MARCHF6: variants seen among roughly 807,000 people sequenced by gnomAD.
MARCHF6 encodes the protein E3 ubiquitin-protein ligase MARCHF6.
Under a neutral mutation model 133.7 loss-of-function variants are expected in MARCHF6, and 31 were observed. The observed-to-expected ratio is 0.23, with a 90% CI of 0.17 to 0.31. MARCHF6 has a LOEUF of 0.31. Ranked by LOEUF, MARCHF6 falls within the 10% of genes least tolerant of loss-of-function variation. The probability of loss-of-function intolerance (pLI) is 1.00; values close to 1 mark genes in which losing one functional copy is unlikely to be tolerated. For synonymous variants in MARCHF6, 395 were observed against 402.5 expected (o/e 0.98, Z 0.22); for missense variants, 723 against 1,121.6 (o/e 0.64, Z 5.08).
Position 10,439,155 on chromosome 5 carries a change from A to C in MARCHF6, c.*5471A>C, listed in dbSNP as rs1740761555. On this transcript the variant is annotated 3_prime_UTR_variant, in exon 26 of 26. Coordinates refer to ENST00000274140, the MANE Select transcript of MARCHF6 (RefSeq NM_005885.4). The stretch of plus-strand genomic sequence containing the variant: ...CTGTGCATTGGTCTAATGGAACAGA[A>C]TAGAGTCCAGAAATAACCCAACATG... 6.6e-6 allele frequency: 1 copy of C among 152,250 alleles called. No homozygotes were observed. The highest frequency in any genetic ancestry group is 1.5e-5 in the Non-Finnish European group (1 of 68,052). 9.4% of individuals were successfully genotyped at this position (152,250 alleles called of 1,614,324 possible).
intron 10 of MARCHF6, among the ~76,000 whole-genome samples, chr5:10,400,371 TG>T (rs1343175161): frequency 6.6e-6 from 1 of 152,182 alleles, no homozygotes; most frequent in Non-Finnish European, 1.5e-5. Context: ...ACTATTCACA[TG>T]GGTGTGCTAA....
At chr5:10,404,034 T>TATTG in intron 15 of MARCHF6, among the ~76,000 whole-genome samples, 1 of 7,242 alleles carries the variant, frequency 1.4e-4, no homozygotes, top group East Asian at 0.033. Flanking sequence ...GGATTACCTT[T>TATTG]ATTTATTTAT....
chr5:10,371,874 TATA>T (rs1736490067), intron 1 of MARCHF6, among the ~76,000 whole-genome samples: 1 of 152,172 alleles, frequency 6.6e-6, no homozygotes, highest in African/African-American at 2.4e-5. Flanking sequence ...GGCTGGCATC[TATA>T]ATCCCAGCTA....
intron 20 of MARCHF6, among the ~76,000 whole-genome samples, chr5:10,415,051 A>G (rs1474376783): frequency 6.6e-6 from 1 of 152,214 alleles, no homozygotes; most frequent in Non-Finnish European, 1.5e-5. Flanking sequence ...GAATGAGCCA[A>G]TTGGAAGATA....
chr5:10,369,122 T>G (rs1385244111), intron 1 of MARCHF6, among the ~76,000 whole-genome samples: 1 of 152,232 alleles, frequency 6.6e-6, no homozygotes, highest in African/African-American at 2.4e-5. Context: ...TCATTGGCTT[T>G]CAGACACTTC....
At position 10,435,598 on chromosome 5, in the gene MARCHF6, C is replaced by T. The variant is rs1206032353; in HGVS notation, c.*1914C>T. The T allele has an allele frequency of 1.9e-5, 2 of 105,488 alleles. No individual in the cohort carries two copies. The highest frequency in any genetic ancestry group is 3.6e-5 in the African/African-American group (1 of 27,810). 6.5% of individuals were successfully genotyped at this position (105,488 alleles called of 1,614,324 possible). ...TAAATTGCTCTCTTTGGGAGAAAAA[C>T]ATTATTATTGAATTGAGCATATAAC... On this transcript the variant is annotated 3_prime_UTR_variant, in exon 26 of 26. Coordinates refer to ENST00000274140, the MANE Select transcript of MARCHF6 (RefSeq NM_005885.4).
intron 17 of MARCHF6, among the ~76,000 whole-genome samples, chr5:10,409,558 G>A (rs1278157673): frequency 6.6e-6 from 1 of 152,212 alleles, no homozygotes; most frequent in Non-Finnish European, 1.5e-5. Flanking sequence ...AGTCTTACAC[G>A]ACATAAGCAC....
At chr5:10,398,501 G>T (rs1014263783) in intron 10 of MARCHF6, among the ~76,000 whole-genome samples, 1 of 151,886 alleles carries the variant, frequency 6.6e-6, no homozygotes, top group South Asian at 2.1e-4. Context: ...TACATGTGGG[G>T]GTGTCTGTAT....
rs903156186 is a variant in MARCHF6 at position 10,417,323 on chromosome 5, T to C, written c.2202T>C (p.Leu734=). 6 of 1,614,056 alleles carry C rather than the reference T, an allele frequency of 3.7e-6. No individual in the cohort carries two copies. Among genetic ancestry groups the C allele is most frequent in the Non-Finnish European group, 5.1e-6 (6 of 1,180,038 alleles). ...TGTTGGCTGGAGTTGTCCCTCTCCTTCTGGGGCTCCTGTTTGAGCTGGTCA... is the reference window on the plus strand; with the variant it reads ...TGTTGGCTGGAGTTGTCCCTCTCCTCCTGGGGCTCCTGTTTGAGCTGGTCA... ...AVLLAGVVPL[L]LGLLFELVIV... The change falls in exon 22 of 26, where the codon CTT becomes CTC. Residue 734 remains leucine (L), a synonymous_variant. Coordinates refer to ENST00000274140, the MANE Select transcript of MARCHF6 (RefSeq NM_005885.4).
Position 10,438,184 on chromosome 5 carries a change from T to A in MARCHF6, c.*4500T>A, listed in dbSNP as rs976594678. On this transcript the variant is annotated 3_prime_UTR_variant, in exon 26 of 26. Transcript: ENST00000274140. ...AGTTTCACTAAGGTTGTCTTTTAGCTGAATACTTAGAGTAAAACCAATCAA... is the reference window on the plus strand; with the variant it reads ...AGTTTCACTAAGGTTGTCTTTTAGCAGAATACTTAGAGTAAAACCAATCAA... The A allele has an allele frequency of 6.6e-6, 1 of 152,196 alleles. No homozygotes were observed. The highest frequency in any genetic ancestry group is 1.5e-5 in the Non-Finnish European group (1 of 68,038). 9.4% of individuals were successfully genotyped at this position (152,196 alleles called of 1,614,324 possible).
chr5:10,381,897 T>C lies in MARCHF6; in HGVS notation c.288T>C (p.Tyr96=). 6.2e-7 allele frequency: 1 copy of C among 1,613,672 alleles called. No homozygotes were observed. Among genetic ancestry groups the C allele is most frequent in the Non-Finnish European group, 8.5e-7 (1 of 1,179,772 alleles). The part of the protein sequence containing the change: ...IGTAIRYWFH[Y]TLVAFAWLGV... ...CTGCAATACGATATTGGTTTCATTA[T>C]ACACTTGTGGCCTTTGCATGGTTGG... Residue 96 remains tyrosine, a synonymous_variant, in exon 4 of 26, where the codon TAT becomes TAC. Coordinates refer to ENST00000274140, the MANE Select transcript of MARCHF6 (RefSeq NM_005885.4).
intron 9 of MARCHF6, among the ~76,000 whole-genome samples, chr5:10,396,933 T>A (rs1050778573): frequency 1.3e-5 from 2 of 152,230 alleles, no homozygotes; most frequent in Non-Finnish European, 2.9e-5. Context: ...TACAATTAAT[T>A]TGGCTTTCAA....
chr5:10,402,910 A>G (rs1738631330), intron 14 of MARCHF6, among the ~76,000 whole-genome samples: 1 of 152,196 alleles, frequency 6.6e-6, no homozygotes, highest in African/African-American at 2.4e-5. Flanking sequence ...TACATAGAGA[A>G]TAATTTGATA....
chr5:10,431,868 G>A (rs1260342590), intron 25 of MARCHF6, among the ~76,000 whole-genome samples: 1 of 152,112 alleles, frequency 6.6e-6, no homozygotes, highest in African/African-American at 2.4e-5. Context: ...TCATTACTGT[G>A]TGCCAGGTAG....
At chr5:10,354,478 G>A (rs1439021761) in intron 1 of MARCHF6, among the ~76,000 whole-genome samples, 3 of 152,158 alleles carry the variant, frequency 2.0e-5, no homozygotes, top group Non-Finnish European at 4.4e-5. Flanking sequence ...ACTAAACGGG[G>A]AGGCTCTTTT....
At chr5:10,364,147 C>G (rs1037238449) in intron 1 of MARCHF6, among the ~76,000 whole-genome samples, 23 of 152,148 alleles carry the variant, frequency 1.5e-4, no homozygotes, top group Non-Finnish European at 8.8e-5. Context: ...CATTACATAC[C>G]TATTAGTGTG....
chr5:10,425,369 AAGG>A (rs1740028337), intron 23 of MARCHF6, among the ~76,000 whole-genome samples: 1 of 152,226 alleles, frequency 6.6e-6, no homozygotes, highest in Non-Finnish European at 1.5e-5. Context: ...GCCCTTGAAA[AAGG>A]AGCATGGAGA....
chr5:10,366,671 C>T (rs189230801), intron 1 of MARCHF6, among the ~76,000 whole-genome samples: 123 of 152,316 alleles, frequency 8.1e-4, no homozygotes, highest in African/African-American at 2.9e-3. Flanking sequence ...AGCAGCCTAG[C>T]TTCCACAGCC....
At chr5:10,356,354 T>TTTATG (rs1735462147) in intron 1 of MARCHF6, among the ~76,000 whole-genome samples, 1 of 113,700 alleles carries the variant, frequency 8.8e-6, no homozygotes. Flanking sequence ...TTTATTTTAT[T>TTTATG]TTATTTTATT....
Sources: allele counts gnomAD v4.1 joint callset (sites outside exome capture counted in the v4.1 genomes callset), GRCh38; gene constraint gnomAD v4.1.1; transcripts MANE v1.5; gene names NCBI Gene and HGNC (gene_info 2026-07-23, HGNC 2026-07-21).